The following VAV2 variants were observed in gnomAD, a reference collection of about 807,000 sequenced individuals.
The protein encoded by VAV2 is guanine nucleotide exchange factor VAV2.
Under a neutral mutation model 132.5 loss-of-function variants are expected in VAV2, and 67 were observed. That is an observed-to-expected ratio of 0.51 (90% CI 0.42 to 0.62). The LOEUF (loss-of-function observed/expected upper bound fraction) is 0.62, where lower values mean the gene tolerates loss of function less well. VAV2 is among the 20% of genes least tolerant of loss of function. VAV2 has a pLI of 0.00. For missense variants in VAV2, 938 were observed against 1,153.6 expected (o/e 0.81, Z 2.71); for synonymous variants, 492 against 443.5 (o/e 1.11, Z -1.37).
At chr9:133,974,752 G>C (rs1049721460) in intron 1 of VAV2, among the ~76,000 whole-genome samples, 2 of 116,938 alleles carry the variant, frequency 1.7e-5, no homozygotes, top group Admixed American at 1.7e-4. Flanking sequence ...AGTGCGCCGC[G>C]GACAGATAGG....
intron 2 of VAV2, among the ~76,000 whole-genome samples, chr9:133,882,932 A>G (rs1185055522): frequency 2.0e-5 from 3 of 152,146 alleles, no homozygotes; most frequent in African/African-American, 4.8e-5. Context: ...CCAAGAAGTC[A>G]GGGACGGTGT....
chr9:133,791,656 CCAGCCTCTCAACAGG>C, intron 13 of VAV2, 112 bp downstream of exon 13: 1 of 820,760 alleles, frequency 1.2e-6, no homozygotes, highest in Non-Finnish European at 2.0e-6. Flanking sequence ...TTGCCGGGCA[CCAGCCTCTCAACAGG>C]CAGCCATGGT....
chr9:133,888,500 TC>T (rs1303240229), intron 2 of VAV2, among the ~76,000 whole-genome samples: 1 of 152,176 alleles, frequency 6.6e-6, no homozygotes, highest in Non-Finnish European at 1.5e-5. Flanking sequence ...GACATGTCTG[TC>T]CCTACACCAC....
In VAV2 at chr9:133,788,258, A is replaced by G. The variant is rs1588174286; in HGVS notation, c.1407+96T>C. ...CCCACCCGGCCAGCATCAGCGGCTG[A>G]CTTCGAGTCCCCTTCCCCTGGGGTC... On this transcript the variant is annotated intron_variant, in intron 15 of 29. Transcript: ENST00000371850. The surrounding 1 kb of genome is among the most constrained non-coding windows in gnomAD (Gnocchi z 5.3). 1 of 648,378 alleles carries G rather than the reference A, an allele frequency of 1.5e-6. No individual in the cohort carries two copies. The highest frequency in any genetic ancestry group is 2.5e-6 in the Non-Finnish European group (1 of 395,556). The allele number at this position is 648,378 out of a possible 1,614,324, so 40.2% of individuals were successfully genotyped here.
intron 2 of VAV2, among the ~76,000 whole-genome samples, chr9:133,894,001 G>A (rs1410094678): frequency 2.0e-5 from 3 of 152,180 alleles, no homozygotes; most frequent in African/African-American, 7.2e-5. Context: ...GACAGTAACG[G>A]GCCCAAGGCC....
chr9:133,942,585 T>G (rs1279858692), intron 1 of VAV2, among the ~76,000 whole-genome samples: 1 of 152,274 alleles, frequency 6.6e-6, no homozygotes, highest in Non-Finnish European at 1.5e-5. Context: ...GGCTTGTCTG[T>G]AATTTCCACT....
In VAV2 at chr9:133,832,941, G is replaced by A. The variant is rs150689569; in HGVS notation, c.449+1331C>T. Among the ~76,000 whole-genome samples the A allele has an allele frequency of 2.8e-3, 423 of 152,228 alleles. 2 individuals carry two copies. The highest frequency in any genetic ancestry group is 9.3e-3 in the African/African-American group (388 of 41,524). Reference sequence around the variant, plus strand: ...AGGTGGGCGCCCCAGGCCTGGCTGTGACCTGCATGGCCCCTGTGCCCATCT... The same window carrying A: ...AGGTGGGCGCCCCAGGCCTGGCTGTAACCTGCATGGCCCCTGTGCCCATCT... On this transcript the variant is annotated intron_variant, in intron 4 of 29. Transcript: ENST00000371850.
chr9:133,810,150 G>A (rs777869784), intron 6 of VAV2, 41 bp downstream of exon 6: 13 of 1,612,322 alleles, frequency 8.1e-6, no homozygotes, highest in Middle Eastern at 1.7e-4. Flanking sequence ...AGAAGACGGC[G>A]CAGGCAGGAC....
intron 2 of VAV2, among the ~76,000 whole-genome samples, chr9:133,871,896 C>G (rs1366030837): frequency 1.3e-5 from 2 of 151,962 alleles, no homozygotes; most frequent in African/African-American, 4.8e-5. Flanking sequence ...CTTCTGAGCC[C>G]CCAGCAGGTG....
intron 1 of VAV2, among the ~76,000 whole-genome samples, chr9:133,989,104 C>T (rs1842939637): frequency 1.3e-5 from 2 of 151,804 alleles, no homozygotes; most frequent in South Asian, 4.2e-4. Context: ...TTTGGGAGGC[C>T]GAGGTGGGTG....
chr9:133,831,654 T>C (rs1041201439), intron 4 of VAV2, among the ~76,000 whole-genome samples: 1 of 152,198 alleles, frequency 6.6e-6, no homozygotes, highest in Non-Finnish European at 1.5e-5. Flanking sequence ...ATAAGGCCGA[T>C]GTGGGCCCCA....
At chr9:133,836,932 G>A (rs909351096) in intron 3 of VAV2, among the ~76,000 whole-genome samples, 2 of 152,130 alleles carry the variant, frequency 1.3e-5, no homozygotes, top group Non-Finnish European at 2.9e-5. Context: ...CTTAACACAG[G>A]GCTCTACTCC....
chr9:133,868,328 CT>C (rs1389993860), intron 2 of VAV2, among the ~76,000 whole-genome samples: 4 of 152,230 alleles, frequency 2.6e-5, no homozygotes, highest in African/African-American at 9.6e-5. Context: ...AGAAATGAGT[CT>C]TCTGGTTCTG....
chr9:133,952,864 C>A (rs201280954), intron 1 of VAV2, among the ~76,000 whole-genome samples: 1 of 149,720 alleles, frequency 6.7e-6, no homozygotes. Context: ...GGGAGCATGG[C>A]CCCCGGGACA....
At chr9:133,970,261 C>T (rs537873816) in intron 1 of VAV2, among the ~76,000 whole-genome samples, 5 of 152,190 alleles carry the variant, frequency 3.3e-5, no homozygotes, top group East Asian at 1.9e-4. Flanking sequence ...GGGCCCCACC[C>T]GATGACCCCA....
chr9:133,765,779 T>TTCTGCAATTTACTCTCAAG (rs1833408919), intron 29 of VAV2, among the ~76,000 whole-genome samples: 2 of 152,142 alleles, frequency 1.3e-5, no homozygotes, highest in African/African-American at 4.8e-5. Flanking sequence ...GAAATATGAT[T>TTCTGCAATTTACTCTCAAG]TCTGCAATTT....
In VAV2 at chr9:133,939,371, A is replaced by G. The variant is rs1236137551; in HGVS notation, c.205-152T>C. The G allele has an allele frequency of 8.1e-6, 6 of 736,382 alleles. No individual in the cohort carries two copies. In the Admixed American group the frequency reaches 1.3e-4, roughly 16 times the overall value. 45.6% of individuals were successfully genotyped at this position (736,382 alleles called of 1,614,324 possible). A position where few individuals can be genotyped will look rare whatever the true frequency, so the allele number is the denominator to read the frequency against. On this transcript the variant is annotated intron_variant, in intron 1 of 29. Coordinates refer to ENST00000371850, the MANE Select transcript of VAV2 (RefSeq NM_001134398.2). ...TTTCTCAAGGAGGAAATGGGCTCAGAGAGATGACGAAACCCCCCGTCCCAA... is the reference window on the plus strand; with the variant it reads ...TTTCTCAAGGAGGAAATGGGCTCAGGGAGATGACGAAACCCCCCGTCCCAA...
chr9:133,984,030 G>A (rs1842779622), intron 1 of VAV2, among the ~76,000 whole-genome samples: 1 of 152,094 alleles, frequency 6.6e-6, no homozygotes, highest in Non-Finnish European at 1.5e-5. Flanking sequence ...GGAGTGCAAT[G>A]GCGTGATCTC....
At chr9:133,814,200 G>A (rs1835467769) in intron 4 of VAV2, among the ~76,000 whole-genome samples, 1 of 152,216 alleles carries the variant, frequency 6.6e-6, no homozygotes, top group South Asian at 2.1e-4. Context: ...CCATCTCAAA[G>A]GTCCATCCCC....
Sources: allele counts gnomAD v4.1 joint callset (sites outside exome capture counted in the v4.1 genomes callset), GRCh38; gene constraint gnomAD v4.1.1; non-coding constraint Gnocchi (gnomAD v3.1); transcripts MANE v1.5; gene names NCBI Gene and HGNC (gene_info 2026-07-23, HGNC 2026-07-21).